TRPC6: variants seen among roughly 807,000 people sequenced by gnomAD.
TRPC6 encodes the protein short transient receptor potential channel 6.
A neutral mutation model predicts 90.7 loss-of-function variants in TRPC6; 55 were observed. The ratio of observed to expected loss-of-function variants is 0.61; its 90% CI spans 0.49 to 0.76. TRPC6 has a LOEUF of 0.76. Ranked by LOEUF, TRPC6 falls within the 30% of genes least tolerant of loss-of-function variation. TRPC6 has a pLI of 0.00. For missense variants in TRPC6, 989 were observed against 1,122.7 expected (o/e 0.88, Z 1.70); for synonymous variants, 393 against 393.0 (o/e 1.00, Z 0.00).
intron 1 of TRPC6, among the ~76,000 whole-genome samples, chr11:101,521,328 C>A (rs1284073574): frequency 6.6e-6 from 1 of 152,182 alleles, no homozygotes; most frequent in Non-Finnish European, 1.5e-5. Context: ...GGATGCTGCT[C>A]CAGAGGGTGC....
intron 1 of TRPC6, among the ~76,000 whole-genome samples, chr11:101,538,206 T>G (rs1565234444): frequency 6.6e-6 from 1 of 152,232 alleles, no homozygotes; most frequent in Non-Finnish European, 1.5e-5. Flanking sequence ...TGTTACCTCC[T>G]TTCTGAATTT....
rs886047538 is a variant in TRPC6 at position 101,583,538 on chromosome 11, C to T, written c.-35G>A. 4.2e-6 allele frequency: 6 copies of T among 1,416,920 alleles called. No homozygotes were observed. The highest frequency in any genetic ancestry group is 1.5e-5 in the African/African-American group (1 of 66,428). 87.8% of individuals were successfully genotyped at this position (1,416,920 alleles called of 1,614,324 possible). ...GCCCGACTGGCCTGGGCCCCGCTCC[C>T]GGGGGAGCCGAGTGGGCAGTTCCAG... On this transcript the variant is annotated 5_prime_UTR_variant, in exon 1 of 13. Transcript: ENST00000344327.
intron 10 of TRPC6, among the ~76,000 whole-genome samples, chr11:101,461,350 A>C (rs1285654082): frequency 6.6e-6 from 1 of 152,198 alleles, no homozygotes; most frequent in Non-Finnish European, 1.5e-5. Flanking sequence ...GGATCACTTG[A>C]GTCCAGGAGT....
At chr11:101,484,595 A>ATGTGTGTGTGTGTGTGTGTG (rs61160203) in intron 4 of TRPC6, among the ~76,000 whole-genome samples, 7 of 140,902 alleles carry the variant, frequency 5.0e-5, no homozygotes, top group South Asian at 2.4e-4. Context: ...CTCTCATGCT[A>ATGTGTGTGTGTGTGTGTGTG]TGTGTGTGTG....
chr11:101,499,056 ACTTTGCCT>A (rs1331488175), intron 2 of TRPC6, among the ~76,000 whole-genome samples: 1 of 152,188 alleles, frequency 6.6e-6, no homozygotes, highest in Non-Finnish European at 1.5e-5. Flanking sequence ...ATTTTTTATG[ACTTTGCCT>A]CTTCATTTGC....
chr11:101,504,349 TA>T lies in TRPC6; in HGVS notation c.619del (p.Tyr207MetfsTer14). 3.1e-6 allele frequency: 5 copies of T among 1,614,042 alleles called. No individual in the cohort carries two copies. Among genetic ancestry groups the T allele is most frequent in the Non-Finnish European group, 4.2e-6 (5 of 1,179,968 alleles). On this transcript the variant is annotated frameshift_variant, in exon 2 of 13. Coordinates refer to ENST00000344327, the MANE Select transcript of TRPC6 (RefSeq NM_004621.6). LOFTEE classifies it high-confidence loss of function. Reference sequence around the variant, plus strand: ...CCGTGTCCCATCTTCATCATAGGCATAAAAATCATCTTGCTGGAGTTCAGAC... The same window carrying T: ...CCGTGTCCCATCTTCATCATAGGCATAAAATCATCTTGCTGGAGTTCAGAC... ...SQSELQQDDF[Y>X]AYDEDGTRFS...
chr11:101,541,681 T>C (rs1462142391), intron 1 of TRPC6, among the ~76,000 whole-genome samples: 1 of 152,200 alleles, frequency 6.6e-6, no homozygotes. Context: ...AGGCCTACTT[T>C]TGCCAACTGC....
At position 101,489,018 on chromosome 11, in the gene TRPC6, C is replaced by A. The variant is rs144085223; in HGVS notation, c.1212G>T (p.Ala404=). The A allele has an allele frequency of 1.2e-6, 2 of 1,613,994 alleles. No individual in the cohort carries two copies. Among genetic ancestry groups the A allele is most frequent in the South Asian group, 1.1e-5 (1 of 91,088 alleles). ...CAGCAAGGACCACAAGGAACTTGAC[C>A]GCCATTGTCTGCTGTCGTAAACCAG... The part of the protein sequence containing the change: ...NLSGLRQQTM[A]VKFLVVLAVA... The change falls in exon 4 of 13, where the codon GCG becomes GCT. Residue 404 remains alanine, a synonymous_variant. Coordinates refer to ENST00000344327, the MANE Select transcript of TRPC6 (RefSeq NM_004621.6).
At chr11:101,483,268 C>G in intron 4 of TRPC6, 103 bp from the exon 5 acceptor site, 1 of 1,209,290 alleles carries the variant, frequency 8.3e-7, no homozygotes, top group Admixed American at 1.9e-5. Context: ...TTCCAATGAT[C>G]TCCTGAGATA....
At position 101,583,390 on chromosome 11, in the gene TRPC6, C is replaced by T. The variant is rs374371372; in HGVS notation, c.114G>A (p.Leu38=). 17 of 1,591,374 alleles carry T rather than the reference C, an allele frequency of 1.1e-5. No individual in the cohort carries two copies. Among genetic ancestry groups the T allele is most frequent in the African/African-American group, 2.7e-5 (2 of 74,282 alleles). Residue 38 remains leucine, a synonymous_variant, in exon 1 of 13, where the codon CTG becomes CTA. Coordinates refer to ENST00000344327, the MANE Select transcript of TRPC6 (RefSeq NM_004621.6). ...SQDYLLMDSE[L]GEDGCPQAPL... is the part of the protein sequence containing the mutation. The stretch of plus-strand genomic sequence containing the variant: ...GGGCTTGCGGGCAGCCGTCTTCTCC[C>T]AGCTCCGAGTCCATGAGCAGATAGT...
chr11:101,503,895 G>T (rs4542378), intron 2 of TRPC6, 129 bp downstream of exon 2: 1 of 1,147,612 alleles, frequency 8.7e-7, no homozygotes, highest in Non-Finnish European at 1.3e-6. Context: ...TAAAGAGCTT[G>T]TTGAATAAAC....
intron 1 of TRPC6, among the ~76,000 whole-genome samples, chr11:101,576,901 G>A (rs2136898541): frequency 6.6e-6 from 1 of 152,238 alleles, no homozygotes; most frequent in African/African-American, 2.4e-5. Flanking sequence ...AACCTACAAT[G>A]CTGGCACCCT....
chr11:101,472,394 C>G, intron 7 of TRPC6, 62 bp from the exon 8 acceptor site: 1 of 1,493,444 alleles, frequency 6.7e-7, no homozygotes, highest in Non-Finnish European at 9.1e-7. Context: ...ACAATATTAC[C>G]ATAATAAAAG....
intron 1 of TRPC6, among the ~76,000 whole-genome samples, chr11:101,528,426 T>C (rs1285220399): frequency 6.6e-6 from 1 of 152,226 alleles, no homozygotes; most frequent in Non-Finnish European, 1.5e-5. Flanking sequence ...TGCACAAAGC[T>C]TAATATATAC....
At chr11:101,527,800 A>G (rs1040206177) in intron 1 of TRPC6, among the ~76,000 whole-genome samples, 5 of 152,154 alleles carry the variant, frequency 3.3e-5, no homozygotes, top group Non-Finnish European at 7.4e-5. Flanking sequence ...TCAGCCAGGC[A>G]CAGTGGCTCA....
chr11:101,452,630 C>T lies in TRPC6; in HGVS notation c.*325G>A. ...GCATGGGGAGTAACGTGGGTCAGCC[C>T]CTGTCCGCTGGGACCCATTTTCAGG... On this transcript the variant is annotated 3_prime_UTR_variant, in exon 13 of 13. Coordinates refer to ENST00000344327, the MANE Select transcript of TRPC6 (RefSeq NM_004621.6). 3.5e-6 allele frequency: 1 copy of T among 287,794 alleles called. No homozygotes were observed. Among genetic ancestry groups the T allele is most frequent in the Non-Finnish European group, 6.6e-6 (1 of 150,640 alleles). 17.8% of individuals were successfully genotyped at this position (287,794 alleles called of 1,614,324 possible).
chr11:101,569,390 G>C (rs1343200584), intron 1 of TRPC6, among the ~76,000 whole-genome samples: 2 of 152,104 alleles, frequency 1.3e-5, no homozygotes, highest in East Asian at 3.9e-4. Context: ...GACCTACAAA[G>C]AGACTTAGAC....
intron 10 of TRPC6, among the ~76,000 whole-genome samples, chr11:101,465,650 G>T (rs1221014779): frequency 6.6e-6 from 1 of 152,118 alleles, no homozygotes; most frequent in Non-Finnish European, 1.5e-5. Flanking sequence ...GGTCATATAT[G>T]TTCTTCTTTA....
In TRPC6 at chr11:101,583,543, G is replaced by A; in HGVS notation, c.-40C>T. The A allele has an allele frequency of 2.8e-6, 4 of 1,416,368 alleles. No individual in the cohort carries two copies. Among genetic ancestry groups the A allele is most frequent in the Non-Finnish European group, 3.7e-6 (4 of 1,090,780 alleles). 87.7% of individuals were successfully genotyped at this position (1,416,368 alleles called of 1,614,324 possible). Reference sequence around the variant, plus strand: ...ACTGGCCTGGGCCCCGCTCCCGGGGGAGCCGAGTGGGCAGTTCCAGCGGGG... The same window carrying A: ...ACTGGCCTGGGCCCCGCTCCCGGGGAAGCCGAGTGGGCAGTTCCAGCGGGG... On this transcript the variant is annotated 5_prime_UTR_variant, in exon 1 of 13. Transcript: ENST00000344327.
Sources: allele counts gnomAD v4.1 joint callset (sites outside exome capture counted in the v4.1 genomes callset), GRCh38; gene constraint gnomAD v4.1.1; transcripts MANE v1.5; gene names NCBI Gene and HGNC (gene_info 2026-07-23, HGNC 2026-07-21).